Variants in PTPRD observed in about 807,000 individuals in gnomAD.
The protein encoded by PTPRD is protein tyrosine phosphatase receptor type D.
A neutral mutation model predicts 214.5 loss-of-function variants in PTPRD; 34 were observed. That is an observed-to-expected ratio of 0.16 (90% CI 0.12 to 0.21). The LOEUF is 0.21. PTPRD is among the 10% of genes least tolerant of loss of function. PTPRD has a pLI of 1.00. For missense variants in PTPRD, 2,545 were observed against 2,398.7 expected, an observed-to-expected ratio of 1.06 and a Z score of -1.27; for synonymous variants, 1,128 against 845.7, an observed-to-expected ratio of 1.33 and a Z score of -5.79.
At chr9:9,239,471 T>C (rs1284410466) in intron 9 of PTPRD, among the ~76,000 whole-genome samples, 10 of 152,118 alleles carry the variant, frequency 6.6e-5, no homozygotes, top group Admixed American at 6.6e-4. Flanking sequence ...CAGAACCAAT[T>C]ACTTGGTATA....
chr9:8,540,637 G>C (rs947907354), intron 14 of PTPRD, among the ~76,000 whole-genome samples: 2 of 152,054 alleles, frequency 1.3e-5, no homozygotes, highest in Non-Finnish European at 2.9e-5. Flanking sequence ...AATTAACTTA[G>C]AATAGCTTCA....
chr9:8,552,457 G>A (rs1197912351), intron 14 of PTPRD, among the ~76,000 whole-genome samples: 14 of 152,148 alleles, frequency 9.2e-5, no homozygotes, highest in African/African-American at 2.7e-4. Flanking sequence ...GCCTCAGTGA[G>A]GTGCATGGAA....
chr9:8,339,379 C>T (rs2132269638), intron 42 of PTPRD, among the ~76,000 whole-genome samples: 1 of 152,190 alleles, frequency 6.6e-6, no homozygotes, highest in South Asian at 2.1e-4. Flanking sequence ...TTACATCAGT[C>T]CTTGGACAAT....
intron 7 of PTPRD, among the ~76,000 whole-genome samples, chr9:9,617,001 T>C (rs2094912279): frequency 6.6e-6 from 1 of 152,172 alleles, no homozygotes; most frequent in Non-Finnish European, 1.5e-5. Context: ...TTCCTTCCTG[T>C]ATAAAGCCAA....
At chr9:9,450,950 T>TACACACACACACACACACACAC (rs145703989) in intron 8 of PTPRD, among the ~76,000 whole-genome samples, 27 of 136,672 alleles carry the variant, frequency 2.0e-4, no homozygotes, top group South Asian at 4.7e-4. Context: ...CATACATACA[T>TACACACACACACACACACACAC]ACACACACAC....
At chr9:8,829,960 G>C (rs1405809917) in intron 11 of PTPRD, among the ~76,000 whole-genome samples, 1 of 152,126 alleles carries the variant, frequency 6.6e-6, no homozygotes, top group Non-Finnish European at 1.5e-5. Context: ...TAATGTAGCT[G>C]AGACAACAGA....
At chr9:9,554,487 G>A (rs1307425902) in intron 8 of PTPRD, among the ~76,000 whole-genome samples, 1 of 151,808 alleles carries the variant, frequency 6.6e-6, no homozygotes, top group African/African-American at 2.4e-5. Context: ...TGGTTCGGGG[G>A]AGTGGGGGTC....
At chr9:10,278,577 T>A (rs12346020) in intron 3 of PTPRD, among the ~76,000 whole-genome samples, 1 of 152,170 alleles carries the variant, frequency 6.6e-6, no homozygotes, top group Non-Finnish European at 1.5e-5. Context: ...TGTGTGTTGC[T>A]GCTCCAAAAA....
In PTPRD at chr9:8,527,368, A is replaced by T. The variant is rs1273432509; in HGVS notation, c.542-15T>A. ...ACCAATAGATTCTGGAGATTTAAAT[A>T]CGGAGAGAAGAAAGACAGCATAAAA... On this transcript the variant is annotated splice_polypyrimidine_tract_variant and intron_variant, in intron 15 of 45. Transcript: ENST00000381196. 4.4e-6 allele frequency: 7 copies of T among 1,606,226 alleles called. No individual in the cohort carries two copies. Among genetic ancestry groups the T allele is most frequent in the Non-Finnish European group, 6.0e-6 (7 of 1,175,918 alleles).
rs2059740792 is a variant in PTPRD at position 9,847,411 on chromosome 9, T to C, written c.-367-80560A>G. 2.0e-5 allele frequency among the ~76,000 whole-genome samples: 3 copies of C among 152,184 alleles called. No homozygotes were observed. In the South Asian group the frequency reaches 6.2e-4, roughly 31 times the overall value. On this transcript the variant is annotated intron_variant, in intron 5 of 45. Transcript: ENST00000381196. ...TATTTTGATACTTCAGGAAATTTTA[T>C]ACAATTGATGCTATATTTTTCCGAG...
intron 2 of PTPRD, among the ~76,000 whole-genome samples, chr9:10,515,695 T>C (rs898177308): frequency 1.5e-4 from 23 of 152,122 alleles, no homozygotes; most frequent in African/African-American, 5.5e-4. Context: ...CTAGAACTTA[T>C]TCATCTTGGC....
intron 8 of PTPRD, among the ~76,000 whole-genome samples, chr9:9,430,997 G>C (rs912957925): frequency 1.3e-5 from 2 of 152,082 alleles, no homozygotes; most frequent in Non-Finnish European, 2.9e-5. Flanking sequence ...GCATGGGCAA[G>C]GACTTCATGT....
At chr9:8,653,000 G>A (rs1456947610) in intron 12 of PTPRD, among the ~76,000 whole-genome samples, 1 of 152,206 alleles carries the variant, frequency 6.6e-6, no homozygotes, top group South Asian at 2.1e-4. Flanking sequence ...ATATAACCCA[G>A]TCATAGTCAC....
intron 19 of PTPRD, among the ~76,000 whole-genome samples, chr9:8,522,619 A>T (rs973282947): frequency 5.3e-5 from 8 of 152,214 alleles, no homozygotes; most frequent in African/African-American, 1.7e-4. Flanking sequence ...AAAGCAACAT[A>T]ACACAGAAAA....
rs144748253 is a variant in PTPRD at position 9,816,700 on chromosome 9, T to C, written c.-367-49849A>G. ...TATAAACACGTAGCTTAAACTTTTCTGGGATGCCTTACCCCAAAATATCAC... is the reference window on the plus strand; with the variant it reads ...TATAAACACGTAGCTTAAACTTTTCCGGGATGCCTTACCCCAAAATATCAC... On this transcript the variant is annotated intron_variant, in intron 5 of 45. Transcript: ENST00000381196. Among the ~76,000 whole-genome samples the C allele has an allele frequency of 1.1e-3, 163 of 152,222 alleles. 2 individuals carry two copies. Among genetic ancestry groups the C allele is most frequent in the Admixed American group, 2.9e-3 (45 of 15,286 alleles).
chr9:10,214,733 A>G (rs1053578694), intron 3 of PTPRD, among the ~76,000 whole-genome samples: 1 of 152,132 alleles, frequency 6.6e-6, no homozygotes, highest in African/African-American at 2.4e-5. Flanking sequence ...TAGAGATGCC[A>G]GAATGCAAAA....
chr9:10,406,534 G>C (rs567618049), intron 2 of PTPRD, among the ~76,000 whole-genome samples: 5 of 151,478 alleles, frequency 3.3e-5, no homozygotes, highest in African/African-American at 1.2e-4. Flanking sequence ...CACAGAGCAA[G>C]CATCACCTGT....
intron 14 of PTPRD, among the ~76,000 whole-genome samples, chr9:8,536,230 G>C (rs1042222613): frequency 6.6e-6 from 1 of 151,758 alleles, no homozygotes; most frequent in African/African-American, 2.4e-5. Flanking sequence ...TCATCATGTA[G>C]TGATGAAACT....
At position 9,408,523 on chromosome 9, in the gene PTPRD, G is replaced by A. The variant is rs558538581; in HGVS notation, c.-236-11041C>T. 1.4e-4 allele frequency among the ~76,000 whole-genome samples: 22 copies of A among 151,740 alleles called. No homozygotes were observed. The South Asian group carries it at 2.9e-3, about 20-fold the overall frequency. On this transcript the variant is annotated intron_variant, in intron 8 of 45. Coordinates refer to ENST00000381196, the MANE Select transcript of PTPRD (RefSeq NM_002839.4). ...ATTGAAACTCTCACTCTCAATTAGC[G>A]GATTCATTTCAATTAAGAAAGGAAA... is the stretch of plus-strand genomic sequence containing the variant.
Sources: allele counts gnomAD v4.1 joint callset (sites outside exome capture counted in the v4.1 genomes callset), GRCh38; gene constraint gnomAD v4.1.1; transcripts MANE v1.5; gene names NCBI Gene and HGNC (gene_info 2026-07-23, HGNC 2026-07-21).